Variants in PAFAH1B1 observed in about 807,000 individuals in gnomAD.
PAFAH1B1 encodes the protein platelet activating factor acetylhydrolase 1b regulatory subunit 1.
In PAFAH1B1, 2 loss-of-function variants were observed where a neutral mutation model predicts 57.5. That is an observed-to-expected ratio of 0.03 (90% CI 0.01 to 0.11). The LOEUF (loss-of-function observed/expected upper bound fraction) is 0.11. PAFAH1B1 is among the 10% of genes least tolerant of loss of function. The pLI is 1.00. For synonymous variants in PAFAH1B1, 152 were observed against 169.6 expected (o/e 0.90, Z 0.81); for missense variants, 257 against 512.0 (o/e 0.50, Z 4.81).
intron 1 of PAFAH1B1, among the ~76,000 whole-genome samples, chr17:2,622,945 T>C (rs1597527333): frequency 3.9e-5 from 6 of 152,364 alleles, no homozygotes; most frequent in Admixed American, 3.9e-4. Context: ...CTGCCAAGGC[T>C]TGGGGCTTCC....
chr17:2,680,607 A>G (rs1218251868), intron 10 of PAFAH1B1, among the ~76,000 whole-genome samples: 5 of 152,096 alleles, frequency 3.3e-5, no homozygotes, highest in African/African-American at 1.2e-4. Context: ...CTGATGGGTA[A>G]TTTTTCTCCC....
At chr17:2,616,271 T>C (rs2068339202) in intron 1 of PAFAH1B1, among the ~76,000 whole-genome samples, 1 of 152,166 alleles carries the variant, frequency 6.6e-6, no homozygotes, top group Admixed American at 6.6e-5. Context: ...TTCTATATTA[T>C]AGAAGAATAC....
intron 1 of PAFAH1B1, among the ~76,000 whole-genome samples, chr17:2,602,562 A>G (rs2068157147): frequency 6.6e-6 from 1 of 152,092 alleles, no homozygotes; most frequent in African/African-American, 2.4e-5. Context: ...TACTACTACT[A>G]CCATCATAGT....
Position 2,667,154 on chromosome 17 carries a change from G to A in PAFAH1B1, c.355G>A (p.Val119Met). 1.2e-6 allele frequency: 2 copies of A among 1,613,874 alleles called. No homozygotes were observed. Among genetic ancestry groups the A allele is most frequent in the Non-Finnish European group, 1.7e-6 (2 of 1,179,816 alleles). The change falls in exon 5 of 11, where the codon GTG (valine) becomes ATG (methionine). Residue 119 changes from valine (V) to methionine (M), a missense_variant. Coordinates refer to ENST00000397195, the MANE Select transcript of PAFAH1B1 (RefSeq NM_000430.4). ...SPVTRVIFHP[V>M]FSVMVSASED... ...AGTCACTCGAGTCATTTTCCATCCTGTGTTCAGTGTTATGGTCTCTGCTTC... is the reference window on the plus strand; with the variant it reads ...AGTCACTCGAGTCATTTTCCATCCTATGTTCAGTGTTATGGTCTCTGCTTC...
intron 1 of PAFAH1B1, among the ~76,000 whole-genome samples, chr17:2,619,956 TTTA>T (rs2068397663): frequency 1.3e-5 from 2 of 152,046 alleles, no homozygotes; most frequent in Admixed American, 1.3e-4. Flanking sequence ...TTATTATTTT[TTTA>T]TTATTATTCT....
In PAFAH1B1 at chr17:2,650,301, C is replaced by T. The variant is rs540899332; in HGVS notation, c.32+11981C>T. On this transcript the variant is annotated intron_variant, in intron 2 of 10. Coordinates refer to ENST00000397195, the MANE Select transcript of PAFAH1B1 (RefSeq NM_000430.4). ...CCGAGGCGGGTGGATCACTTGAGGT[C>T]AGGAGTTCAAGACCAGCTTGGACAA... Among the ~76,000 whole-genome samples the T allele has an allele frequency of 2.6e-5, 4 of 152,172 alleles. No individual in the cohort carries two copies. The South Asian group carries it at 8.3e-4, about 32-fold the overall frequency.
At chr17:2,634,738 T>C (rs752419351) in intron 1 of PAFAH1B1, among the ~76,000 whole-genome samples, 1 of 152,180 alleles carries the variant, frequency 6.6e-6, no homozygotes, top group African/African-American at 2.4e-5. Context: ...TGAGTTTATT[T>C]TGTGGCCTGT....
At chr17:2,677,018 T>C (rs1262476886) in intron 9 of PAFAH1B1, among the ~76,000 whole-genome samples, 1 of 152,140 alleles carries the variant, frequency 6.6e-6, no homozygotes, top group Non-Finnish European at 1.5e-5. Flanking sequence ...CTGGGCGTGG[T>C]GGCGGGCGCC....
chr17:2,653,489 A>C (rs1304764006), intron 2 of PAFAH1B1, among the ~76,000 whole-genome samples: 1 of 151,904 alleles, frequency 6.6e-6, no homozygotes, highest in African/African-American at 2.4e-5. Flanking sequence ...AGTAATTTTT[A>C]GATCTTGTTA....
chr17:2,675,627 C>T (rs887589009), intron 8 of PAFAH1B1, among the ~76,000 whole-genome samples: 17 of 132,592 alleles, frequency 1.3e-4, no homozygotes, highest in Non-Finnish European at 2.0e-4. Flanking sequence ...CCCGTCTCTA[C>T]AGAAAACTTT....
rs1567559805 is a variant in PAFAH1B1, at chr17:2,674,216, G to A, written c.828G>A (p.Glu276=). 1.9e-6 allele frequency: 3 copies of A among 1,613,940 alleles called. No homozygotes were observed. The highest frequency in any genetic ancestry group is 1.7e-5 in the Admixed American group (1 of 59,980). The change falls in exon 8 of 11, where the codon GAG becomes GAA. Residue 276 remains glutamate, a synonymous_variant. Transcript: ENST00000397195. ...GCAAGGCTGAGCTCCGAGAGCATGAGCATGTGGTAGAATGCATTTCCTGGG... is the reference window on the plus strand; with the variant it reads ...GCAAGGCTGAGCTCCGAGAGCATGAACATGTGGTAGAATGCATTTCCTGGG... ...KECKAELREH[E]HVVECISWAP... is the part of the protein sequence containing the mutation.
At chr17:2,599,468 A>G (rs1465606301) in intron 1 of PAFAH1B1, among the ~76,000 whole-genome samples, 3 of 152,228 alleles carry the variant, frequency 2.0e-5, no homozygotes, top group African/African-American at 2.4e-5. Context: ...CTTTGCATGC[A>G]TAAGGCTTTT....
At chr17:2,674,593 G>T (rs1198583353) in intron 8 of PAFAH1B1, among the ~76,000 whole-genome samples, 4 of 152,142 alleles carry the variant, frequency 2.6e-5, no homozygotes, top group African/African-American at 9.7e-5. Context: ...CTGAGGGAGA[G>T]GTTAAAGTTT....
intron 1 of PAFAH1B1, among the ~76,000 whole-genome samples, chr17:2,620,590 G>A (rs765638277): frequency 6.6e-6 from 1 of 152,166 alleles, no homozygotes; most frequent in Non-Finnish European, 1.5e-5. Context: ...GTGGCCGGGC[G>A]CCGTTGCTCA....
intron 2 of PAFAH1B1, among the ~76,000 whole-genome samples, chr17:2,649,707 A>G (rs2068823141): frequency 6.6e-6 from 1 of 152,212 alleles, no homozygotes; most frequent in Non-Finnish European, 1.5e-5. Flanking sequence ...TGCAATCCCA[A>G]TCAAAATTCA....
chr17:2,594,136 C>T (rs923860783), intron 1 of PAFAH1B1, 130 bp downstream of exon 1: 6 of 395,662 alleles, frequency 1.5e-5, no homozygotes, highest in Non-Finnish European at 2.2e-5. Flanking sequence ...CTCCCCCTGC[C>T]TCCGCCGCCG....
chr17:2,634,720 T>C (rs1290519757), intron 1 of PAFAH1B1, among the ~76,000 whole-genome samples: 1 of 152,166 alleles, frequency 6.6e-6, no homozygotes, highest in African/African-American at 2.4e-5. Flanking sequence ...GGATAAATTA[T>C]AAAGACCTGA....
chr17:2,675,665 C>G (rs972761153), intron 8 of PAFAH1B1, among the ~76,000 whole-genome samples: 1 of 149,942 alleles, frequency 6.7e-6, no homozygotes, highest in African/African-American at 2.5e-5. Context: ...CACCACTATA[C>G]TAATGACGGA....
At chr17:2,653,084 G>A (rs1258890966) in intron 2 of PAFAH1B1, among the ~76,000 whole-genome samples, 1 of 152,148 alleles carries the variant, frequency 6.6e-6, no homozygotes, top group Non-Finnish European at 1.5e-5. Flanking sequence ...GGAATACTAT[G>A]CAGCCATAAA....
Sources: gnomAD v4.1 joint callset for allele counts (sites outside exome capture counted in the v4.1 genomes callset) on GRCh38, gnomAD v4.1.1 for gene constraint, MANE v1.5 for transcripts, NCBI Gene and HGNC (gene_info 2026-07-23, HGNC 2026-07-21) for gene names.